The following CREB5 variants were observed in gnomAD, a reference collection of about 807,000 sequenced individuals.
CREB5 encodes cAMP responsive element binding protein 5.
Under a neutral mutation model 57.1 loss-of-function variants are expected in CREB5, and 19 were observed. The ratio of observed to expected loss-of-function variants is 0.33; its 90% CI spans 0.23 to 0.49. The LOEUF is 0.49. CREB5 is among the 20% of genes least tolerant of loss of function. The pLI is 0.99. For synonymous variants in CREB5, 238 were observed against 238.3 expected (o/e 1.00, Z 0.01); for missense variants, 579 against 671.6 (o/e 0.86, Z 1.52).
intron 5 of CREB5, among the ~76,000 whole-genome samples, chr7:28,572,586 C>A (rs142432030): frequency 1.3e-5 from 2 of 152,154 alleles, no homozygotes; most frequent in Non-Finnish European, 2.9e-5. Context: ...TTCCTTCCCC[C>A]CTGGAGTTCT....
intron 1 of CREB5, among the ~76,000 whole-genome samples, chr7:28,351,776 A>AG (rs1387041939): frequency 6.6e-6 from 1 of 152,148 alleles, no homozygotes; most frequent in Non-Finnish European, 1.5e-5. Flanking sequence ...TTAGAAAAAA[A>AG]AAATCCTTGT....
chr7:28,508,310 T>A (rs1252139584), intron 4 of CREB5, among the ~76,000 whole-genome samples: 1 of 152,226 alleles, frequency 6.6e-6, no homozygotes, highest in Non-Finnish European at 1.5e-5. Context: ...TATGGGAATG[T>A]GCTGAAATTT....
rs772156736 is a variant in CREB5 at position 28,715,409 on chromosome 7, C to A, written c.465-3344C>A. 5.4e-4 allele frequency among the ~76,000 whole-genome samples: 82 copies of A among 151,978 alleles called. 1 individual carries two copies. The Middle Eastern group carries it at 0.038, about 70-fold the overall frequency. On this transcript the variant is annotated intron_variant, in intron 5 of 10. Coordinates refer to ENST00000357727, the MANE Select transcript of CREB5 (RefSeq NM_182898.4). ...GTTTCAAGGCACATGAAGTTAGGGA[C>A]AATAAAATGCCTTTAAAAATATGAA...
At chr7:28,349,673 C>T (rs1262623886) in intron 1 of CREB5, among the ~76,000 whole-genome samples, 2 of 152,068 alleles carry the variant, frequency 1.3e-5, no homozygotes, top group Admixed American at 6.6e-5. Flanking sequence ...GAATAGTTGC[C>T]TGCTTGACCA....
intron 1 of CREB5, among the ~76,000 whole-genome samples, chr7:28,418,392 A>G (rs1290151084): frequency 3.3e-5 from 5 of 152,152 alleles, no homozygotes; most frequent in Non-Finnish European, 5.9e-5. Flanking sequence ...CTCCTCACGC[A>G]CCTTCTTGTG....
chr7:28,516,456 A>C (rs2128612411), intron 4 of CREB5, among the ~76,000 whole-genome samples: 1 of 152,322 alleles, frequency 6.6e-6, no homozygotes, highest in South Asian at 2.1e-4. Context: ...AAGTGGGGGC[A>C]ATAAATGACC....
chr7:28,415,069 C>T (rs1266911390), intron 1 of CREB5, among the ~76,000 whole-genome samples: 3 of 152,040 alleles, frequency 2.0e-5, no homozygotes, highest in African/African-American at 7.2e-5. Flanking sequence ...CTGCTTTCTT[C>T]TATTTCCTTA....
At chr7:28,508,262 A>T (rs1792563941) in intron 4 of CREB5, among the ~76,000 whole-genome samples, 1 of 152,360 alleles carries the variant, frequency 6.6e-6, no homozygotes, top group African/African-American at 2.4e-5. Context: ...AATGTAGGAA[A>T]ATCATTTTGT....
chr7:28,570,582 A>G (rs779844663), intron 5 of CREB5, 45 bp downstream of exon 5: 6 of 1,590,392 alleles, frequency 3.8e-6, no homozygotes, highest in Non-Finnish European at 5.1e-6. Context: ...GCTGGAACTC[A>G]GGAAATGTCC....
chr7:28,463,672 G>A (rs1200802013), intron 1 of CREB5, among the ~76,000 whole-genome samples: 1 of 152,066 alleles, frequency 6.6e-6, no homozygotes, highest in East Asian at 1.9e-4. Flanking sequence ...ATATTTTGAT[G>A]CTTACTGTAA....
intron 4 of CREB5, among the ~76,000 whole-genome samples, chr7:28,529,551 G>A (rs1206136563): frequency 6.6e-6 from 1 of 152,174 alleles, no homozygotes; most frequent in Non-Finnish European, 1.5e-5. Flanking sequence ...GAGTAAGAGG[G>A]TGGTACCTTT....
In CREB5 at chr7:28,819,431, CT is replaced by C; in HGVS notation, c.*156del. ...TTTATAGTTATTATGGAAATGTTGT[CT>C]TTTATACTTAGTTATATAAGAAAAA... On this transcript the variant is annotated 3_prime_UTR_variant, in exon 11 of 11. Coordinates refer to ENST00000357727, the MANE Select transcript of CREB5 (RefSeq NM_182898.4). The C allele has an allele frequency of 1.4e-6, 1 of 723,164 alleles. No individual in the cohort carries two copies. Among genetic ancestry groups the C allele is most frequent in the Non-Finnish European group, 2.1e-6 (1 of 470,486 alleles). The allele number at this position is 723,164 out of a possible 1,614,324, so 44.8% of individuals were successfully genotyped here.
At chr7:28,456,921 G>T (rs1023642483) in intron 1 of CREB5, among the ~76,000 whole-genome samples, 1 of 152,162 alleles carries the variant, frequency 6.6e-6, no homozygotes, top group Non-Finnish European at 1.5e-5. Context: ...ATTACAGATG[G>T]GTAATTTATA....
intron 5 of CREB5, among the ~76,000 whole-genome samples, chr7:28,579,987 A>G (rs1796057440): frequency 1.3e-5 from 2 of 152,168 alleles, no homozygotes; most frequent in South Asian, 4.1e-4. Flanking sequence ...GCAGTAAGGT[A>G]CTAGATTAAA....
chr7:28,516,554 G>A (rs574825917), intron 4 of CREB5, among the ~76,000 whole-genome samples: 1 of 152,206 alleles, frequency 6.6e-6, no homozygotes, highest in Non-Finnish European at 1.5e-5. Context: ...GCCTGTAAGG[G>A]CCACTTCTTT....
intron 1 of CREB5, among the ~76,000 whole-genome samples, chr7:28,480,306 C>T (rs1359659714): frequency 6.6e-6 from 1 of 151,990 alleles, no homozygotes; most frequent in Admixed American, 6.6e-5. Flanking sequence ...TTAGATTTTC[C>T]AAAAGGCAAG....
rs142776546 is a variant in CREB5, at chr7:28,513,276, G to C, written c.291+5539G>C. ...AAACTTGCAACAGCTGCACATTTCC[G>C]GTTATGCTAACATGTTGCTTCTCTG... On this transcript the variant is annotated intron_variant, in intron 4 of 10. Transcript: ENST00000357727. Among the ~76,000 whole-genome samples, 4 of 152,266 alleles carry C rather than the reference G, an allele frequency of 2.6e-5. No individual in the cohort carries two copies. The East Asian group carries it at 7.7e-4, about 29-fold the overall frequency.
intron 4 of CREB5, 48 bp from the exon 5 acceptor site, chr7:28,570,317 A>G (rs368299466): frequency 2.3e-5 from 36 of 1,562,752 alleles, no homozygotes; most frequent in Non-Finnish European, 6.1e-6. Flanking sequence ...AGAGTAGAAT[A>G]AAAACATTGA....
chr7:28,533,708 C>T (rs958044265), intron 4 of CREB5, among the ~76,000 whole-genome samples: 19 of 152,136 alleles, frequency 1.2e-4, no homozygotes, highest in Non-Finnish European at 2.9e-5. Context: ...GCAGAGGCTG[C>T]CTCCTCTTCT....
Sources: allele counts gnomAD v4.1 joint callset (sites outside exome capture counted in the v4.1 genomes callset), GRCh38; gene constraint gnomAD v4.1.1; transcripts MANE v1.5; gene names NCBI Gene and HGNC (gene_info 2026-07-23, HGNC 2026-07-21).